PCSK5: variants seen among roughly 807,000 people sequenced by gnomAD.
PCSK5 encodes the protein prohormone convertase 5.
Under a neutral mutation model 233.2 loss-of-function variants are expected in PCSK5, and 129 were observed. The observed-to-expected ratio is 0.55, with a 90% CI of 0.48 to 0.64. The LOEUF is 0.64. Among genes scored for constraint, PCSK5 ranks in the 30% least tolerant of loss-of-function variants. The pLI is 0.00. For synonymous variants in PCSK5, 825 were observed against 879.2 expected (o/e 0.94, Z 1.09); for missense variants, 2,076 against 2,430.1 (o/e 0.85, Z 3.06).
At chr9:76,201,170 T>G (rs763460679) in intron 20 of PCSK5, among the ~76,000 whole-genome samples, 1 of 152,210 alleles carries the variant, frequency 6.6e-6, no homozygotes, top group Non-Finnish European at 1.5e-5. Flanking sequence ...ACCATAAGCC[T>G]GCTCAGTACC....
At chr9:76,099,568 ACT>A in intron 8 of PCSK5, among the ~76,000 whole-genome samples, 1 of 152,102 alleles carries the variant, frequency 6.6e-6, no homozygotes, top group East Asian at 1.9e-4. Context: ...AAAGAAAGAC[ACT>A]CTGATCGGGA....
At chr9:75,963,333 T>G (rs1364038373) in intron 2 of PCSK5, among the ~76,000 whole-genome samples, 2 of 152,212 alleles carry the variant, frequency 1.3e-5, no homozygotes, top group African/African-American at 4.8e-5. Flanking sequence ...TTCTCACATT[T>G]TCAATTCTAA....
chr9:75,996,014 T>C (rs2131415510), intron 3 of PCSK5, among the ~76,000 whole-genome samples: 1 of 152,320 alleles, frequency 6.6e-6, no homozygotes, highest in South Asian at 2.1e-4. Context: ...TTTCAAATAC[T>C]GGTCCAAGGC....
intron 24 of PCSK5, among the ~76,000 whole-genome samples, chr9:76,268,719 C>T (rs768199652): frequency 1.3e-5 from 2 of 152,094 alleles, no homozygotes; most frequent in Non-Finnish European, 2.9e-5. Context: ...GTGGTGCACA[C>T]TTGTAGTCCT....
intron 21 of PCSK5, among the ~76,000 whole-genome samples, chr9:76,227,920 T>A (rs887330279): frequency 2.1e-4 from 32 of 151,990 alleles, no homozygotes; most frequent in Admixed American, 1.4e-3. Context: ...ATCATTTCCA[T>A]CTGCTGGTCA....
At chr9:76,303,664 T>C (rs1344342850) in intron 28 of PCSK5, among the ~76,000 whole-genome samples, 1 of 152,210 alleles carries the variant, frequency 6.6e-6, no homozygotes, top group African/African-American at 2.4e-5. Context: ...GCAACAGGAT[T>C]GTTGCTTGCC....
At chr9:75,950,976 C>G (rs887897383) in intron 2 of PCSK5, among the ~76,000 whole-genome samples, 1 of 152,158 alleles carries the variant, frequency 6.6e-6, no homozygotes, top group Admixed American at 6.5e-5. Context: ...GCAAAGCAAC[C>G]ATTGAAAGAT....
intron 8 of PCSK5, among the ~76,000 whole-genome samples, chr9:76,099,571 C>G (rs1431110139): frequency 6.6e-6 from 1 of 152,174 alleles, no homozygotes; most frequent in Non-Finnish European, 1.5e-5. Flanking sequence ...GAAAGACACT[C>G]TGATCGGGAA....
chr9:75,910,953 T>C (rs766118611), intron 1 of PCSK5, among the ~76,000 whole-genome samples: 6 of 152,202 alleles, frequency 3.9e-5, no homozygotes, highest in Non-Finnish European at 7.3e-5. Context: ...AATTTCCAAC[T>C]GTTGAAATGA....
chr9:75,999,711 C>T (rs1016223511), intron 3 of PCSK5, among the ~76,000 whole-genome samples: 3 of 152,228 alleles, frequency 2.0e-5, no homozygotes, highest in Admixed American at 6.5e-5. Context: ...ATGAACATGT[C>T]ACAGTGCTGC....
chr9:75,891,487 C>T (rs375573552), intron 1 of PCSK5, 114 bp downstream of exon 1: 1 of 864,424 alleles, frequency 1.2e-6, no homozygotes, highest in African/African-American at 1.8e-5. Flanking sequence ...AGCTGTTGCC[C>T]TAACTCTTGG....
chr9:76,027,547 C>T (rs371133161), intron 5 of PCSK5, among the ~76,000 whole-genome samples: 42 of 151,034 alleles, frequency 2.8e-4, no homozygotes, highest in East Asian at 2.0e-3. Context: ...GAAGGCATTA[C>T]CTTTCTTATT....
intron 8 of PCSK5, among the ~76,000 whole-genome samples, chr9:76,097,888 C>T (rs1455009568): frequency 1.3e-5 from 2 of 152,158 alleles, no homozygotes; most frequent in Non-Finnish European, 2.9e-5. Flanking sequence ...TGTAAACTGT[C>T]TCTGGATTTG....
At chr9:76,229,053 A>C (rs908249511) in intron 21 of PCSK5, among the ~76,000 whole-genome samples, 4 of 152,222 alleles carry the variant, frequency 2.6e-5, no homozygotes, top group African/African-American at 9.6e-5. Flanking sequence ...AGAAGGAAGG[A>C]GAAAGGACCG....
intron 5 of PCSK5, among the ~76,000 whole-genome samples, chr9:76,038,099 C>A (rs1828937290): frequency 6.6e-6 from 1 of 152,146 alleles, no homozygotes; most frequent in South Asian, 2.1e-4. Flanking sequence ...TTTTGTATGA[C>A]CTTTTTGCTC....
intron 17 of PCSK5, among the ~76,000 whole-genome samples, chr9:76,186,058 A>G (rs1404520496): frequency 2.0e-5 from 3 of 152,228 alleles, no homozygotes; most frequent in Non-Finnish European, 4.4e-5. Context: ...CCACATTAAG[A>G]GAAGTAAAAA....
chr9:76,233,660 T>G, intron 22 of PCSK5, 64 bp downstream of exon 22: 1 of 1,507,612 alleles, frequency 6.6e-7, no homozygotes, highest in Non-Finnish European at 9.1e-7. Context: ...ATGGCCATCA[T>G]TTGGTTTGAC....
intron 24 of PCSK5, among the ~76,000 whole-genome samples, chr9:76,244,271 A>G (rs1466994434): frequency 6.6e-6 from 1 of 152,180 alleles, no homozygotes; most frequent in African/African-American, 2.4e-5. Context: ...TTCATGAACT[A>G]TTAGAACTAT....
chr9:76,296,970 C>A, intron 27 of PCSK5, 105 bp downstream of exon 27: 1 of 741,050 alleles, frequency 1.3e-6, no homozygotes, highest in South Asian at 1.7e-5. Flanking sequence ...AAAGGCTGTG[C>A]AGAAAAACAA....
Sources: allele counts gnomAD v4.1 joint callset (sites outside exome capture counted in the v4.1 genomes callset), GRCh38; gene constraint gnomAD v4.1.1; transcripts MANE v1.5; gene names NCBI Gene and HGNC (gene_info 2026-07-23, HGNC 2026-07-21).